SLC39A11: variants seen among roughly 807,000 people sequenced by gnomAD.
SLC39A11 encodes solute carrier family 39 member 11.
In SLC39A11, 33 loss-of-function variants were observed where a neutral mutation model predicts 36.1. The ratio of observed to expected loss-of-function variants is 0.91; its 90% CI spans 0.69 to 1.22. The LOEUF (loss-of-function observed/expected upper bound fraction) is 1.22. Among genes scored for constraint, SLC39A11 ranks in the 50% most tolerant of loss-of-function variants. The pLI is 0.00. For missense variants in SLC39A11, 432 were observed against 430.3 expected, an observed-to-expected ratio of 1.00 and a Z score of -0.03; for synonymous variants, 166 against 170.3, an observed-to-expected ratio of 0.97 and a Z score of 0.20.
chr17:72,873,003 G>A (rs983436313), intron 5 of SLC39A11, among the ~76,000 whole-genome samples: 12 of 148,228 alleles, frequency 8.1e-5, no homozygotes, highest in Non-Finnish European at 1.2e-4. Context: ...GCAGTGAGCC[G>A]AGATCGCGCC....
rs117751410 is a variant in SLC39A11 at position 72,677,877 on chromosome 17, G to A, written c.672-28609C>T. Among the ~76,000 whole-genome samples, 1,150 of 152,288 alleles carry A rather than the reference G, an allele frequency of 7.6e-3. 7 individuals carry two copies. Among genetic ancestry groups the A allele is most frequent in the Non-Finnish European group, 0.011 (754 of 68,032 alleles). ...AATGCGGGAGGGAGAGAAGGCTACC[G>A]ACGGCCTTTCCCCTGATACTCAAGG... is the stretch of plus-strand genomic sequence containing the variant. On this transcript the variant is annotated intron_variant, in intron 7 of 9. Coordinates refer to ENST00000255559, the MANE Select transcript of SLC39A11 (RefSeq NM_139177.4).
intron 6 of SLC39A11, among the ~76,000 whole-genome samples, chr17:72,743,790 C>T (rs1277658674): frequency 1.3e-5 from 2 of 152,170 alleles, no homozygotes. Context: ...GATGCTCATG[C>T]CCCCAGTGTC....
chr17:72,945,717 T>C (rs949107997), intron 5 of SLC39A11, among the ~76,000 whole-genome samples: 1 of 152,012 alleles, frequency 6.6e-6, no homozygotes. Context: ...GGGTTACATC[T>C]CCCTCCCACA....
intron 7 of SLC39A11, among the ~76,000 whole-genome samples, chr17:72,729,405 TTA>T (rs1162603035): frequency 8.9e-4 from 26 of 29,238 alleles, no homozygotes; most frequent in East Asian, 1.8e-3. Context: ...ACCTGGCTAT[TTA>T]TATATATATA....
chr17:72,863,730 G>A (rs1046661604), intron 5 of SLC39A11, among the ~76,000 whole-genome samples: 1 of 152,156 alleles, frequency 6.6e-6, no homozygotes, highest in African/African-American at 2.4e-5. Flanking sequence ...GGTAGGGGTG[G>A]GCTACAGATT....
chr17:72,821,770 G>A (rs1197901204), intron 6 of SLC39A11: 3 of 151,320 alleles, frequency 2.0e-5, no homozygotes, highest in South Asian at 2.1e-4. Flanking sequence ...AAGGGACTCC[G>A]AGGCCAGGCC....
chr17:72,773,882 C>T, intron 6 of SLC39A11, among the ~76,000 whole-genome samples: 1 of 152,200 alleles, frequency 6.6e-6, no homozygotes, highest in Admixed American at 6.5e-5. Context: ...GAAACACCAA[C>T]CATCTGCAGA....
chr17:72,647,466 A>G lies in SLC39A11; in HGVS notation c.*118T>C, dbSNP rs145235675. 3.5e-4 allele frequency: 258 copies of G among 727,864 alleles called. No individual in the cohort carries two copies. In the African/African-American group the frequency reaches 4.1e-3, roughly 12 times the overall value. 45.1% of individuals were successfully genotyped at this position (727,864 alleles called of 1,614,324 possible). On this transcript the variant is annotated 3_prime_UTR_variant, in exon 10 of 10. Transcript: ENST00000255559. ...AATCAGAGTCAATCAGGATAATGAG[A>G]TGAAGAAGAGAGGAAGGAAAAAAGT...
intron 6 of SLC39A11, among the ~76,000 whole-genome samples, chr17:72,814,508 T>A (rs765259837): frequency 2.0e-5 from 3 of 152,118 alleles, no homozygotes; most frequent in Non-Finnish European, 2.9e-5. Context: ...AGAACTGGGC[T>A]CTGAACACAT....
intron 7 of SLC39A11, among the ~76,000 whole-genome samples, chr17:72,674,108 CT>C (rs1411066941): frequency 6.6e-6 from 1 of 151,994 alleles, no homozygotes; most frequent in African/African-American, 2.4e-5. Context: ...GTATAGACAA[CT>C]GTCACTTCCT....
chr17:72,704,324 A>G (rs143391966), intron 7 of SLC39A11, among the ~76,000 whole-genome samples: 321 of 152,334 alleles, frequency 2.1e-3, no homozygotes, highest in African/African-American at 7.6e-3. Flanking sequence ...TGTAGCTAGT[A>G]AATCGCAGCA....
At chr17:72,882,787 G>A (rs1384637799) in intron 5 of SLC39A11, among the ~76,000 whole-genome samples, 2 of 86,702 alleles carry the variant, frequency 2.3e-5, no homozygotes, top group East Asian at 1.1e-3. Flanking sequence ...TTGAGGGAGA[G>A]AGAATGCTTC....
At chr17:72,791,311 G>A (rs1019941447) in intron 6 of SLC39A11, among the ~76,000 whole-genome samples, 30 of 152,284 alleles carry the variant, frequency 2.0e-4, no homozygotes, top group African/African-American at 6.5e-4. Context: ...AAAATTAGCC[G>A]AGCGTGGTGG....
chr17:72,845,669 GA>G (rs1341827486), intron 6 of SLC39A11, among the ~76,000 whole-genome samples: 3 of 152,104 alleles, frequency 2.0e-5, no homozygotes, highest in Non-Finnish European at 4.4e-5. Flanking sequence ...ATTGGTTATA[GA>G]AGGCCAGAGA....
intron 5 of SLC39A11, among the ~76,000 whole-genome samples, chr17:72,871,228 A>G (rs1598207100): frequency 6.6e-6 from 1 of 151,460 alleles, no homozygotes; most frequent in Admixed American, 6.6e-5. Context: ...TGCCCGGCTA[A>G]TTTTTTTGTA....
At chr17:72,682,714 G>A (rs180928808) in intron 7 of SLC39A11, among the ~76,000 whole-genome samples, 2 of 152,344 alleles carry the variant, frequency 1.3e-5, no homozygotes, top group African/African-American at 4.8e-5. Flanking sequence ...GTGGGAGGCT[G>A]TCCTGTAACC....
chr17:72,955,298 C>CTTTTTTTTTTTTTTTTTTTTTTTTT (rs71359751), intron 4 of SLC39A11, among the ~76,000 whole-genome samples: 57 of 65,574 alleles, frequency 8.7e-4, no homozygotes, highest in Non-Finnish European at 1.1e-3. Flanking sequence ...TTTCAGTTCT[C>CTTTTTTTTTTTTTTTTTTTTTTTTT]TTTTTTTTTT....
At chr17:73,082,586 T>C (rs2060580908) in intron 3 of SLC39A11, among the ~76,000 whole-genome samples, 1 of 152,146 alleles carries the variant, frequency 6.6e-6, no homozygotes, top group Admixed American at 6.6e-5. Flanking sequence ...AATACTGGCA[T>C]TCTGTTCTTT....
chr17:72,773,659 ACACACACACACACACACACC>A (rs2076028119), intron 6 of SLC39A11, among the ~76,000 whole-genome samples: 2 of 150,584 alleles, frequency 1.3e-5, no homozygotes, highest in African/African-American at 2.5e-5. Context: ...ACACACACAC[ACACACACACACACACACACC>A]CAGTATATAA....
Sources: allele counts gnomAD v4.1 joint callset (sites outside exome capture counted in the v4.1 genomes callset), GRCh38; gene constraint gnomAD v4.1.1; transcripts MANE v1.5; gene names NCBI Gene and HGNC (gene_info 2026-07-23, HGNC 2026-07-21).